Variants in FER observed in about 807,000 individuals in gnomAD.
The protein encoded by FER is FER tyrosine kinase.
Under a neutral mutation model 111.0 loss-of-function variants are expected in FER, and 63 were observed. The ratio of observed to expected loss-of-function variants is 0.57; its 90% CI spans 0.46 to 0.70. The LOEUF (loss-of-function observed/expected upper bound fraction) is 0.70. Ranked by LOEUF, FER falls within the 30% of genes least tolerant of loss-of-function variation. FER has a pLI of 0.00. For synonymous variants in FER, 327 were observed against 313.9 expected (o/e 1.04, Z -0.44); for missense variants, 914 against 954.0 (o/e 0.96, Z 0.55).
At chr5:109,152,928 T>C (rs1354560495) in intron 17 of FER, among the ~76,000 whole-genome samples, 1 of 151,942 alleles carries the variant, frequency 6.6e-6, no homozygotes, top group African/African-American at 2.4e-5. Context: ...TCATGTTGTC[T>C]TTTAAAAATA....
chr5:108,928,175 C>A (rs1754056565), intron 10 of FER, among the ~76,000 whole-genome samples: 1 of 152,174 alleles, frequency 6.6e-6, no homozygotes, highest in Non-Finnish European at 1.5e-5. Flanking sequence ...AATGCAGGAG[C>A]TTCTTGTGGC....
intron 5 of FER, among the ~76,000 whole-genome samples, chr5:108,860,613 G>A (rs142054834): frequency 5.1e-4 from 78 of 152,254 alleles, no homozygotes; most frequent in African/African-American, 1.8e-3. Context: ...AAAAACATGT[G>A]TATACATTTG....
At chr5:108,931,918 A>G (rs1228466381) in intron 10 of FER, among the ~76,000 whole-genome samples, 1 of 152,114 alleles carries the variant, frequency 6.6e-6, no homozygotes, top group East Asian at 1.9e-4. Context: ...TAATTGTTCA[A>G]ATATAGGAGG....
At chr5:109,069,624 G>A (rs1199162274) in intron 16 of FER, among the ~76,000 whole-genome samples, 1 of 152,070 alleles carries the variant, frequency 6.6e-6, no homozygotes, top group Non-Finnish European at 1.5e-5. Flanking sequence ...ATGAAGAGTA[G>A]GTTTTGAGTC....
chr5:109,161,674 C>G (rs1313931614), intron 17 of FER, among the ~76,000 whole-genome samples: 1 of 152,026 alleles, frequency 6.6e-6, no homozygotes. Context: ...CATATCTTTG[C>G]TATTGTGAAT....
intron 12 of FER, among the ~76,000 whole-genome samples, chr5:108,956,910 T>C (rs1406838447): frequency 6.6e-6 from 1 of 151,622 alleles, no homozygotes; most frequent in African/African-American, 2.4e-5. Flanking sequence ...AATGAGTGCC[T>C]ACTGTATTCT....
At chr5:109,128,172 C>G (rs574921041) in intron 17 of FER, among the ~76,000 whole-genome samples, 1 of 151,964 alleles carries the variant, frequency 6.6e-6, no homozygotes, top group East Asian at 1.9e-4. Flanking sequence ...CCTCTCCTTC[C>G]TTACCCAGTG....
At chr5:109,171,507 A>T (rs1008349596) in intron 17 of FER, among the ~76,000 whole-genome samples, 3 of 152,226 alleles carry the variant, frequency 2.0e-5, no homozygotes, top group Non-Finnish European at 4.4e-5. Context: ...TATCTGGCAC[A>T]TATAAAGGAC....
At chr5:109,031,437 A>T (rs897659801) in intron 13 of FER, among the ~76,000 whole-genome samples, 2 of 152,082 alleles carry the variant, frequency 1.3e-5, no homozygotes, top group African/African-American at 4.8e-5. Context: ...GTTTGTTTGG[A>T]TGCTGGATAA....
intron 13 of FER, among the ~76,000 whole-genome samples, chr5:108,987,299 A>T (rs1762680033): frequency 6.6e-6 from 1 of 152,132 alleles, no homozygotes; most frequent in South Asian, 2.1e-4. Context: ...TACAAAAATT[A>T]GCCGGGCATG....
intron 16 of FER, among the ~76,000 whole-genome samples, chr5:109,065,544 G>C (rs6865572): frequency 0.16 from 24,952 of 152,094 alleles, 2,117 homozygotes; most frequent in South Asian, 0.21. Flanking sequence ...AAGCGATGAA[G>C]CTTATGCATT....
In FER at chr5:109,195,372, T is replaced by A. The variant is rs2126919084; in HGVS notation, c.*7797T>A. The A allele has an allele frequency of 6.6e-6, 1 of 152,316 alleles. No homozygotes were observed. The highest frequency in any genetic ancestry group is 2.4e-5 in the African/African-American group (1 of 41,570). 9.4% of individuals were successfully genotyped at this position (152,316 alleles called of 1,614,324 possible). A position where few individuals can be genotyped will look rare whatever the true frequency, so the allele number is the denominator to read the frequency against. On this transcript the variant is annotated 3_prime_UTR_variant, in exon 20 of 20. Coordinates refer to ENST00000281092, the MANE Select transcript of FER (RefSeq NM_005246.4). Reference sequence around the variant, plus strand: ...TAACTTGTCATAATTCCACCTTAGATTCTAGACCTCTCATACCTGCAGTGT... The same window carrying A: ...TAACTTGTCATAATTCCACCTTAGAATCTAGACCTCTCATACCTGCAGTGT...
intron 11 of FER, among the ~76,000 whole-genome samples, chr5:108,952,045 A>G (rs550421294): frequency 6.6e-6 from 1 of 152,144 alleles, no homozygotes; most frequent in Non-Finnish European, 1.5e-5. Context: ...TAGGAACAAG[A>G]TCTAGGGAAA....
chr5:109,097,812 G>C (rs182608755), intron 16 of FER, among the ~76,000 whole-genome samples: 3 of 151,788 alleles, frequency 2.0e-5, no homozygotes, highest in Admixed American at 1.3e-4. Flanking sequence ...CTTAATACTT[G>C]TACTTGCGGA....
At chr5:108,779,932 T>C (rs1046849209) in intron 2 of FER, among the ~76,000 whole-genome samples, 2 of 152,210 alleles carry the variant, frequency 1.3e-5, no homozygotes, top group African/African-American at 2.4e-5. Context: ...ATTGCTGTTA[T>C]TTATTACACT....
At chr5:108,980,390 T>G (rs1761898230) in intron 13 of FER, among the ~76,000 whole-genome samples, 1 of 152,056 alleles carries the variant, frequency 6.6e-6, no homozygotes, top group Non-Finnish European at 1.5e-5. Flanking sequence ...TTTACAAAGG[T>G]CTAAAATTTT....
At chr5:108,830,934 G>A (rs909608777) in intron 3 of FER, 1 of 152,236 alleles carries the variant, frequency 6.6e-6, no homozygotes, top group Non-Finnish European at 1.5e-5. Flanking sequence ...GAGAGTTCTT[G>A]ACAATACAGG....
At chr5:108,767,239 G>C (rs958401678) in intron 1 of FER, among the ~76,000 whole-genome samples, 1 of 152,164 alleles carries the variant, frequency 6.6e-6, no homozygotes, top group East Asian at 1.9e-4. Flanking sequence ...AGGAGGTGGA[G>C]GCTGAGTGAG....
intron 5 of FER, chr5:108,842,614 T>C (rs557757419): frequency 3.3e-5 from 5 of 152,192 alleles, no homozygotes; most frequent in South Asian, 4.1e-4. Context: ...AAAGAAGATA[T>C]ACAAATAGGT....
Sources: allele counts gnomAD v4.1 joint callset (sites outside exome capture counted in the v4.1 genomes callset), GRCh38; gene constraint gnomAD v4.1.1; transcripts MANE v1.5; gene names NCBI Gene and HGNC (gene_info 2026-07-23, HGNC 2026-07-21).